The following TECRL variants were observed in gnomAD, a reference collection of about 807,000 sequenced individuals.
TECRL encodes the protein trans-2,3-enoyl-CoA reductase-like.
TECRL carries 63 observed loss-of-function variants against 52.8 expected under a neutral mutation model. That is an observed-to-expected ratio of 1.19 (90% confidence interval 0.97 to 1.47). The LOEUF (loss-of-function observed/expected upper bound fraction) is 1.47, where lower values mean the gene tolerates loss of function less well. Ranked by LOEUF, TECRL falls within the 40% of genes most tolerant of loss-of-function variation. TECRL has a pLI of 0.00. For synonymous variants in TECRL, 164 were observed against 141.9 expected (o/e 1.16, Z -1.10); for missense variants, 482 against 429.6 (o/e 1.12, Z -1.08).
Position 64,309,724 on chromosome 4 carries a change from G to A in TECRL, c.657+102C>T, listed in dbSNP as rs78084859. ...TTTAAGTATGCTTATGCAATTAAAC[G>A]TGAAAATCTAAGTTTCGGAAGGAAA... is the stretch of plus-strand genomic sequence containing the variant. On this transcript the variant is annotated intron_variant, in intron 6 of 11. Transcript: ENST00000381210. 2,622 of 793,124 alleles carry A rather than the reference G, an allele frequency of 3.3e-3. 38 individuals are homozygous for A. In the African/African-American group the frequency reaches 0.037, roughly 11 times the overall value. The allele number at this position is 793,124 out of a possible 1,614,324, so 49.1% of individuals were successfully genotyped here.
chr4:64,305,314 T>C (rs1209378703), intron 6 of TECRL, 76 bp from the exon 7 acceptor site: 1 of 1,301,478 alleles, frequency 7.7e-7, no homozygotes, highest in Non-Finnish European at 1.1e-6. Flanking sequence ...TACATTTATA[T>C]TACATGCATG....
intron 2 of TECRL, among the ~76,000 whole-genome samples, chr4:64,341,073 G>A (rs1180396393): frequency 6.6e-6 from 1 of 152,132 alleles, no homozygotes; most frequent in Admixed American, 6.5e-5. Context: ...TGCCCATGGA[G>A]AGGAGCTTCC....
At chr4:64,314,563 C>A in intron 5 of TECRL, 85 bp downstream of exon 5, 1 of 1,000,252 alleles carries the variant, frequency 1.0e-6, no homozygotes, top group South Asian at 1.4e-5. Context: ...TACCTGCTTA[C>A]TAGTTCATCC....
intron 8 of TECRL, among the ~76,000 whole-genome samples, chr4:64,293,054 T>C (rs2109955966): frequency 6.6e-6 from 1 of 152,230 alleles, no homozygotes; most frequent in Admixed American, 6.5e-5. Flanking sequence ...GAATACTTCT[T>C]GCTTCAAACT....
At chr4:64,313,643 G>C (rs987024695) in intron 5 of TECRL, among the ~76,000 whole-genome samples, 12 of 150,018 alleles carry the variant, frequency 8.0e-5, no homozygotes, top group Non-Finnish European at 1.3e-4. Context: ...CACCACGCCT[G>C]GCTAATTTTT....
At chr4:64,375,900 T>C (rs945721174) in intron 1 of TECRL, among the ~76,000 whole-genome samples, 12 of 151,834 alleles carry the variant, frequency 7.9e-5, no homozygotes, top group Non-Finnish European at 1.5e-4. Flanking sequence ...TGCAAATACT[T>C]CAAGCCATCG....
rs1722626778 is a variant in TECRL, at chr4:64,277,863, A to T, written c.*2209T>A. The stretch of plus-strand genomic sequence containing the variant: ...ATTTATATAGGTCATCTCTTTGTGA[A>T]GTATATATGCATGCTCACATAGAAA... On this transcript the variant is annotated 3_prime_UTR_variant, in exon 12 of 12. Coordinates refer to ENST00000381210, the MANE Select transcript of TECRL (RefSeq NM_001010874.5). 1 of 151,766 alleles carries T rather than the reference A, an allele frequency of 6.6e-6. No individual in the cohort carries two copies. Among genetic ancestry groups the T allele is most frequent in the African/African-American group, 2.4e-5 (1 of 41,398 alleles). 9.4% of individuals were successfully genotyped at this position (151,766 alleles called of 1,614,324 possible).
chr4:64,401,286 G>A (rs1298689010), intron 1 of TECRL, among the ~76,000 whole-genome samples: 1 of 152,176 alleles, frequency 6.6e-6, no homozygotes, highest in African/African-American at 2.4e-5. Flanking sequence ...AGTTTGCTCT[G>A]TTTTGAAGTA....
intron 2 of TECRL, among the ~76,000 whole-genome samples, chr4:64,341,327 A>G (rs920412214): frequency 7.9e-5 from 12 of 152,286 alleles, no homozygotes; most frequent in Admixed American, 7.8e-4. Flanking sequence ...AAGGCCAGGC[A>G]AGGTGGCTGA....
intron 8 of TECRL, among the ~76,000 whole-genome samples, chr4:64,296,641 G>T (rs375967723): frequency 6.6e-6 from 1 of 151,796 alleles, no homozygotes; most frequent in East Asian, 1.9e-4. Context: ...ATTGCTTCTG[G>T]AGAGTAAAAA....
chr4:64,377,399 G>C (rs1391076064), intron 1 of TECRL, among the ~76,000 whole-genome samples: 1 of 151,928 alleles, frequency 6.6e-6, no homozygotes, highest in Non-Finnish European at 1.5e-5. Flanking sequence ...TGACTAAATT[G>C]ATGTCTCAGT....
Position 64,281,522 on chromosome 4 carries a change from G to A in TECRL, c.870C>T (p.Pro290=). The part of the protein sequence containing the change: ...NACFPSPNYN[P]FTWMFFLVSC... ...AAACCAGGAAAAACATCCATGTGAA[G>A]GGGTTATAATTTGGACTTGGGAAAC... The change falls in exon 10 of 12, where the codon CCC becomes CCT. Residue 290 remains proline (P), a synonymous_variant. Coordinates refer to ENST00000381210, the MANE Select transcript of TECRL (RefSeq NM_001010874.5). 6.2e-7 allele frequency: 1 copy of A among 1,605,276 alleles called. No individual in the cohort carries two copies. The highest frequency in any genetic ancestry group is 8.5e-7 in the Non-Finnish European group (1 of 1,175,400).
chr4:64,367,173 G>C (rs1045021474), intron 2 of TECRL, among the ~76,000 whole-genome samples: 2 of 152,032 alleles, frequency 1.3e-5, no homozygotes, highest in Non-Finnish European at 2.9e-5. Flanking sequence ...TTATAAGTGG[G>C]AGCAAAGCAC....
intron 1 of TECRL, among the ~76,000 whole-genome samples, chr4:64,384,926 G>A (rs1723071713): frequency 6.6e-6 from 1 of 152,166 alleles, no homozygotes; most frequent in Non-Finnish European, 1.5e-5. Flanking sequence ...AGGCTATGGT[G>A]GGTGAAACAG....
At chr4:64,374,207 T>G (rs1012929208) in intron 2 of TECRL, among the ~76,000 whole-genome samples, 189 of 150,426 alleles carry the variant, frequency 1.3e-3, no homozygotes, top group African/African-American at 4.3e-3. Flanking sequence ...AATTTTAAAC[T>G]GAGTAAGCAT....
chr4:64,379,191 G>A (rs1379624798), intron 1 of TECRL, among the ~76,000 whole-genome samples: 1 of 150,456 alleles, frequency 6.6e-6, no homozygotes, highest in Non-Finnish European at 1.5e-5. Context: ...ATTTTATTTA[G>A]AAGTACAGCC....
At chr4:64,408,899 T>C (rs1187428829) in intron 1 of TECRL, among the ~76,000 whole-genome samples, 1 of 152,108 alleles carries the variant, frequency 6.6e-6, no homozygotes, top group Non-Finnish European at 1.5e-5. Flanking sequence ...CATTATTATC[T>C]ACCATTTAAT....
At chr4:64,318,365 T>G (rs1212362072) in intron 4 of TECRL, among the ~76,000 whole-genome samples, 3 of 152,012 alleles carry the variant, frequency 2.0e-5, no homozygotes, top group Non-Finnish European at 4.4e-5. Context: ...AATATTGAAA[T>G]GTAATGTAAA....
chr4:64,291,594 T>C (rs1214049242), intron 8 of TECRL, among the ~76,000 whole-genome samples: 1 of 151,974 alleles, frequency 6.6e-6, no homozygotes, highest in African/African-American at 2.4e-5. Flanking sequence ...TTATTAATAT[T>C]TTCATACTCA....
Sources: allele counts gnomAD v4.1 joint callset (sites outside exome capture counted in the v4.1 genomes callset), GRCh38; gene constraint gnomAD v4.1.1; transcripts MANE v1.5; gene names NCBI Gene and HGNC (gene_info 2026-07-23, HGNC 2026-07-21).